The following TNNI3K variants were observed in gnomAD, a reference collection of about 807,000 sequenced individuals.
The protein encoded by TNNI3K is TNNI3 interacting kinase, also known as serine/threonine-protein kinase TNNI3K.
TNNI3K carries 140 observed loss-of-function variants against 114.5 expected under a neutral mutation model. That is an observed-to-expected ratio of 1.22 (90% CI 1.07 to 1.41). The LOEUF is 1.41. Ranked by LOEUF, TNNI3K falls within the 40% of genes most tolerant of loss-of-function variation. TNNI3K has a pLI of 0.00. For missense variants in TNNI3K, 1,125 were observed against 1,007.6 expected (o/e 1.12, Z -1.58); for synonymous variants, 347 against 347.5 (o/e 1.00, Z 0.02).
intron 17 of TNNI3K, among the ~76,000 whole-genome samples, chr1:74,380,732 T>C (rs1253106509): frequency 6.6e-6 from 1 of 152,178 alleles, no homozygotes. Flanking sequence ...TGGGAGGCAC[T>C]GTGAATGCCC....
rs2100847801 is a variant in TNNI3K, at chr1:74,250,739, A to G, written c.303A>G (p.Gly101=). 4.3e-6 allele frequency: 7 copies of G among 1,612,062 alleles called. No individual in the cohort carries two copies. In the East Asian group the frequency reaches 1.6e-4, roughly 36 times the overall value. The change falls in exon 4 of 25, where the codon GGA becomes GGG. Residue 101 remains glycine (G), a synonymous_variant. Transcript: ENST00000326637. ...GCCCATCTCGACTGACAAGAAATGG[A>G]TTTACAGCCTTGCATTTAGCAGTTT... ...GLRPSRLTRN[G]FTALHLAVYK... is the part of the protein sequence containing the mutation.
intron 20 of TNNI3K, among the ~76,000 whole-genome samples, chr1:74,451,099 G>A (rs1386516318): frequency 6.6e-6 from 1 of 152,146 alleles, no homozygotes; most frequent in African/African-American, 2.4e-5. Flanking sequence ...GTCCTTTGCA[G>A]GGACATGGAT....
intron 23 of TNNI3K, among the ~76,000 whole-genome samples, chr1:74,518,038 G>A (rs1432098927): frequency 6.6e-6 from 1 of 152,132 alleles, no homozygotes; most frequent in Non-Finnish European, 1.5e-5. Flanking sequence ...CGATGACCTC[G>A]CCAGAATAGC....
intron 20 of TNNI3K, among the ~76,000 whole-genome samples, chr1:74,458,611 A>G (rs72969850): frequency 0.028 from 4,249 of 152,278 alleles, 181 homozygotes; most frequent in African/African-American, 0.097. Context: ...ATTGTGCCCT[A>G]TTCTCTAAAC....
chr1:74,382,538 G>A (rs1468134126), intron 17 of TNNI3K, among the ~76,000 whole-genome samples: 2 of 152,144 alleles, frequency 1.3e-5, no homozygotes, highest in African/African-American at 4.8e-5. Flanking sequence ...GAAAGGTTTT[G>A]TTGTTACTAA....
chr1:74,457,600 T>A (rs1044774515), intron 20 of TNNI3K, among the ~76,000 whole-genome samples: 2 of 152,122 alleles, frequency 1.3e-5, no homozygotes, highest in Non-Finnish European at 2.9e-5. Context: ...ATAAACACAA[T>A]CAAAGTTGAA....
rs190766660 is a variant in TNNI3K, at chr1:74,288,304, G to A, written c.444+16596G>A. Among the ~76,000 whole-genome samples, 211 of 152,016 alleles carry A rather than the reference G, an allele frequency of 1.4e-3. 2 individuals are homozygous for A. Among genetic ancestry groups the A allele is most frequent in the Admixed American group, 0.011 (165 of 15,274 alleles). The stretch of plus-strand genomic sequence containing the variant: ...GTCTCATTCTATTGCTCTCTCATTC[G>A]TATTGCAACATTATTCACAATAGCC... On this transcript the variant is annotated intron_variant, in intron 5 of 24. Transcript: ENST00000326637.
intron 23 of TNNI3K, among the ~76,000 whole-genome samples, chr1:74,528,212 G>A (rs1379484629): frequency 6.6e-6 from 1 of 152,180 alleles, no homozygotes; most frequent in African/African-American, 2.4e-5. Context: ...GTGCCTGGTG[G>A]AAGGAAGTTG....
Position 74,356,820 on chromosome 1 carries a change from C to T in TNNI3K, c.1177+2691C>T, listed in dbSNP as rs185178743. ...TAGAGGACTTGCCCACTGGCCTCTT[C>T]AACATATGCTGTATTTGTCACTGTA... On this transcript the variant is annotated intron_variant, in intron 11 of 24. Transcript: ENST00000326637. Among the ~76,000 whole-genome samples, 760 of 152,312 alleles carry T rather than the reference C, an allele frequency of 5.0e-3. 5 individuals carry two copies. The highest frequency in any genetic ancestry group is 7.8e-3 in the Non-Finnish European group (533 of 68,028).
chr1:74,472,292 A>C (rs1372696788), intron 21 of TNNI3K: 2 of 645,578 alleles, frequency 3.1e-6, no homozygotes, highest in Non-Finnish European at 5.6e-6. Flanking sequence ...AAAAGTATAA[A>C]ACTGACTCCT....
intron 4 of TNNI3K, among the ~76,000 whole-genome samples, chr1:74,262,192 G>T (rs1251042563): frequency 6.6e-6 from 1 of 151,976 alleles, no homozygotes; most frequent in East Asian, 1.9e-4. Flanking sequence ...CAACAGCCTT[G>T]GCACTACTGA....
chr1:74,534,047 C>G (rs1381839749), intron 23 of TNNI3K, among the ~76,000 whole-genome samples: 2 of 152,120 alleles, frequency 1.3e-5, no homozygotes, highest in Non-Finnish European at 2.9e-5. Context: ...TAATTCCTTC[C>G]CAGACACCCC....
intron 23 of TNNI3K, among the ~76,000 whole-genome samples, chr1:74,509,691 G>A (rs1430789409): frequency 7.1e-6 from 1 of 139,996 alleles, no homozygotes; most frequent in African/African-American, 2.6e-5. Flanking sequence ...AGAGTGTTGT[G>A]TTTGATTTTG....
chr1:74,406,387 ATTC>A (rs1367157079), intron 17 of TNNI3K, among the ~76,000 whole-genome samples: 3 of 152,136 alleles, frequency 2.0e-5, no homozygotes, highest in East Asian at 1.9e-4. Flanking sequence ...GCCCAAGACA[ATTC>A]TTCTTCCAGT....
At chr1:74,250,646 A>C in intron 3 of TNNI3K, 26 bp from the exon 4 acceptor site, 1 of 1,604,812 alleles carries the variant, frequency 6.2e-7, no homozygotes, top group Non-Finnish European at 8.5e-7. Context: ...ACAATGATTT[A>C]GCCTTTTTTC....
At chr1:74,399,721 A>G (rs1664267673) in intron 17 of TNNI3K, among the ~76,000 whole-genome samples, 1 of 152,224 alleles carries the variant, frequency 6.6e-6, no homozygotes, top group Non-Finnish European at 1.5e-5. Context: ...GAAGGAAGCT[A>G]TGGGCAGGCT....
intron 17 of TNNI3K, among the ~76,000 whole-genome samples, chr1:74,431,210 G>A (rs1037261121): frequency 5.3e-5 from 8 of 151,862 alleles, no homozygotes; most frequent in Admixed American, 2.0e-4. Flanking sequence ...ATTATAATTT[G>A]GCCAAAATCA....
intron 5 of TNNI3K, among the ~76,000 whole-genome samples, chr1:74,326,498 G>A (rs1033302218): frequency 1.7e-4 from 26 of 152,112 alleles, no homozygotes; most frequent in African/African-American, 6.0e-4. Context: ...AATAAGGTCT[G>A]GCTATTTTAG....
intron 11 of TNNI3K, among the ~76,000 whole-genome samples, chr1:74,360,532 G>A (rs967429032): frequency 3.3e-5 from 5 of 152,028 alleles, no homozygotes; most frequent in Non-Finnish European, 7.4e-5. Context: ...CTGTGAGGCC[G>A]TGTCACTTCA....
Sources: gnomAD v4.1 joint callset for allele counts (sites outside exome capture counted in the v4.1 genomes callset) on GRCh38, gnomAD v4.1.1 for gene constraint, MANE v1.5 for transcripts, NCBI Gene and HGNC (gene_info 2026-07-23, HGNC 2026-07-21) for gene names.